TRIP4: variants seen among roughly 807,000 people sequenced by gnomAD.
The protein encoded by TRIP4 is activating signal cointegrator 1.
TRIP4 carries 54 observed loss-of-function variants against 81.8 expected under a neutral mutation model. The observed-to-expected ratio is 0.66, with a 90% CI of 0.53 to 0.83. The LOEUF (loss-of-function observed/expected upper bound fraction) is 0.83. Among genes scored for constraint, TRIP4 ranks in the 40% least tolerant of loss-of-function variants. The pLI is 0.00. For synonymous variants in TRIP4, 270 were observed against 242.8 expected, an observed-to-expected ratio of 1.11 and a Z score of -1.04; for missense variants, 662 against 683.6, an observed-to-expected ratio of 0.97 and a Z score of 0.35.
intron 7 of TRIP4, among the ~76,000 whole-genome samples, chr15:64,412,757 C>T (rs1278288777): frequency 6.6e-6 from 1 of 152,040 alleles, no homozygotes; most frequent in Non-Finnish European, 1.5e-5. Flanking sequence ...GTCAAGCATC[C>T]AACAGGAGTA....
Position 64,449,587 on chromosome 15 carries a change from A to T in TRIP4, c.1678+4479A>T, listed in dbSNP as rs183684472. Among the ~76,000 whole-genome samples, 1,374 of 145,728 alleles carry T rather than the reference A, an allele frequency of 9.4e-3. 10 individuals are homozygous for T. The highest frequency in any genetic ancestry group is 0.01 in the Non-Finnish European group (697 of 66,986). On this transcript the variant is annotated intron_variant, in intron 12 of 12. Coordinates refer to ENST00000261884, the MANE Select transcript of TRIP4 (RefSeq NM_016213.5). ...GTGTTGTATCATATATATATATATAAAAAATATATGGATGTATAAATGCCT... is the reference window on the plus strand; with the variant it reads ...GTGTTGTATCATATATATATATATATAAAATATATGGATGTATAAATGCCT...
intron 10 of TRIP4, 124 bp downstream of exon 10, chr15:64,424,279 ATGTT>A (rs1418375964): frequency 6.5e-6 from 9 of 1,377,010 alleles, no homozygotes; most frequent in African/African-American, 4.4e-5. Flanking sequence ...ATCTTTGTAT[ATGTT>A]TGTTTGTTTA....
At chr15:64,417,889 A>G (rs1044007141) in intron 8 of TRIP4, among the ~76,000 whole-genome samples, 1 of 152,250 alleles carries the variant, frequency 6.6e-6, no homozygotes, top group African/African-American at 2.4e-5. Context: ...AAAATTATCC[A>G]GAACCAAGTA....
At position 64,434,402 on chromosome 15, in the gene TRIP4, G is replaced by GAA. The variant is rs35606754; in HGVS notation, c.1575+8786_1575+8787dup. Among the ~76,000 whole-genome samples, 586 of 137,934 alleles carry GAA rather than the reference G, an allele frequency of 4.2e-3. 3 individuals carry two copies. Among genetic ancestry groups the GAA allele is most frequent in the Middle Eastern group, 7.5e-3 (2 of 266 alleles). 90.5% of individuals were successfully genotyped at this position (137,934 alleles called of 152,430 possible). On this transcript the variant is annotated intron_variant, in intron 11 of 12. Coordinates refer to ENST00000261884, the MANE Select transcript of TRIP4 (RefSeq NM_016213.5). The stretch of plus-strand genomic sequence containing the variant: ...CAACAAGAGTGAAACTCCGTCTCAA[G>GAA]AAAAAAAAAAAAAAAATGAAAAGGT...
At position 64,412,348 on chromosome 15, in the gene TRIP4, T is replaced by C. The variant is rs78029487; in HGVS notation, c.1044-1737T>C. On this transcript the variant is annotated intron_variant, in intron 7 of 12. Transcript: ENST00000261884. ...AAAAGCTTCAGGCCTTTGTTTCTGA[T>C]TTTTCCTTGGTTTGGAAATTCCTCC... Among the ~76,000 whole-genome samples the C allele has an allele frequency of 4.3e-3, 662 of 152,266 alleles. 9 individuals are homozygous for C. The highest frequency in any genetic ancestry group is 0.015 in the African/African-American group (627 of 41,560).
intron 8 of TRIP4, among the ~76,000 whole-genome samples, chr15:64,417,686 T>C (rs1891918387): frequency 6.6e-6 from 1 of 152,146 alleles, no homozygotes; most frequent in Admixed American, 6.5e-5. Context: ...CTCCACCCTC[T>C]CTTTCAGGAG....
chr15:64,394,876 C>T (rs1900244652), intron 2 of TRIP4, among the ~76,000 whole-genome samples: 1 of 152,178 alleles, frequency 6.6e-6, no homozygotes, highest in Admixed American at 6.6e-5. Context: ...CATGGTCTCA[C>T]TTTCATTGCC....
chr15:64,454,420 C>A (rs531703109), intron 12 of TRIP4, among the ~76,000 whole-genome samples: 1 of 152,264 alleles, frequency 6.6e-6, no homozygotes, highest in African/African-American at 2.4e-5. Context: ...TGCTTGTTTT[C>A]TAAGTTTAAC....
chr15:64,440,157 C>T (rs1333961871), intron 11 of TRIP4, among the ~76,000 whole-genome samples: 1 of 151,942 alleles, frequency 6.6e-6, no homozygotes, highest in East Asian at 1.9e-4. Context: ...GGCTTGAGCC[C>T]TCCAGGTCAA....
intron 9 of TRIP4, among the ~76,000 whole-genome samples, chr15:64,420,054 T>A (rs552231628): frequency 6.6e-6 from 1 of 152,202 alleles, no homozygotes; most frequent in African/African-American, 2.4e-5. Context: ...AACATCGTGA[T>A]TCGCCCACCT....
chr15:64,411,455 C>G lies in TRIP4; in HGVS notation c.1043+1627C>G, dbSNP rs142909442. 3.0e-4 allele frequency among the ~76,000 whole-genome samples: 45 copies of G among 152,148 alleles called. 1 individual carries two copies. Among genetic ancestry groups the G allele is most frequent in the Middle Eastern group, 6.8e-3 (2 of 294 alleles). ...TCTGTATATTCCTCTCAATTTTGCT[C>G]TGAACCTAAAACTGCTCTAAAAAAT... On this transcript the variant is annotated intron_variant, in intron 7 of 12. Transcript: ENST00000261884.
At chr15:64,431,831 T>TTTTATA (rs1555411155) in intron 11 of TRIP4, among the ~76,000 whole-genome samples, 1 of 42,408 alleles carries the variant, frequency 2.4e-5, no homozygotes, top group African/African-American at 4.5e-5. Flanking sequence ...ACCATTTATA[T>TTTTATA]TATATATATA....
intron 7 of TRIP4, among the ~76,000 whole-genome samples, chr15:64,413,442 G>T (rs1289359257): frequency 6.6e-6 from 1 of 151,788 alleles, no homozygotes; most frequent in South Asian, 2.1e-4. Context: ...CTATGATAGT[G>T]TTGGAATTAC....
chr15:64,450,384 G>C (rs563341137), intron 12 of TRIP4, among the ~76,000 whole-genome samples: 2,109 of 114,900 alleles, frequency 0.018, 26 homozygotes, highest in Middle Eastern at 0.065. Flanking sequence ...GTGAGACTCC[G>C]TCTCAAAAGA....
At chr15:64,418,458 T>G in intron 8 of TRIP4, 83 bp from the exon 9 acceptor site, 1 of 1,362,154 alleles carries the variant, frequency 7.3e-7, no homozygotes, top group Non-Finnish European at 1.0e-6. Flanking sequence ...GATTTCCTCA[T>G]TATTAGCATT....
intron 10 of TRIP4, 130 bp downstream of exon 10, chr15:64,424,285 G>C: frequency 7.8e-7 from 1 of 1,289,018 alleles, no homozygotes. Flanking sequence ...GTATATGTTT[G>C]TTTGTTTAGT....
At chr15:64,388,955 C>T (rs984049922) in intron 1 of TRIP4, among the ~76,000 whole-genome samples, 1 of 152,132 alleles carries the variant, frequency 6.6e-6, no homozygotes, top group African/African-American at 2.4e-5. Flanking sequence ...ACGCCAGGTG[C>T]TGGGGTAACA....
chr15:64,453,219 G>A (rs1246769119), intron 12 of TRIP4, among the ~76,000 whole-genome samples: 1 of 152,134 alleles, frequency 6.6e-6, no homozygotes, highest in Non-Finnish European at 1.5e-5. Context: ...CAGACGACTG[G>A]ATGTCTGGAG....
At chr15:64,429,039 G>A (rs1027202412) in intron 11 of TRIP4, among the ~76,000 whole-genome samples, 2 of 152,040 alleles carry the variant, frequency 1.3e-5, no homozygotes, top group Admixed American at 1.3e-4. Context: ...TTTGGGTTGG[G>A]CGTGGTGGCT....
Sources: allele counts gnomAD v4.1 joint callset (sites outside exome capture counted in the v4.1 genomes callset), GRCh38; gene constraint gnomAD v4.1.1; transcripts MANE v1.5; gene names NCBI Gene and HGNC (gene_info 2026-07-23, HGNC 2026-07-21).